The following NTM variants were observed in gnomAD, a reference collection of about 807,000 sequenced individuals.
NTM encodes IgLON family member 2.
A neutral mutation model predicts 42.1 loss-of-function variants in NTM; 13 were observed. The observed-to-expected ratio is 0.31, with a 90% CI of 0.20 to 0.49. The LOEUF (loss-of-function observed/expected upper bound fraction) is 0.49. Among genes scored for constraint, NTM ranks in the 20% least tolerant of loss-of-function variants. The pLI is 0.99. For missense variants in NTM, 373 were observed against 452.8 expected (o/e 0.82, Z 1.60); for synonymous variants, 187 against 179.2 (o/e 1.04, Z -0.35).
rs1048095960 is a variant in NTM at position 131,835,661 on chromosome 11, T to G, written c.83-75903T>G. On this transcript the variant is annotated intron_variant, in intron 1 of 8. Coordinates refer to ENST00000683400, the MANE Select transcript of NTM (RefSeq NM_001352005.2). ...GCTGAAACCTAATTGGTACAAACAC[T>G]CTGGAAAATTATTTAGAGCTATTAA... Among the ~76,000 whole-genome samples, 4 of 152,176 alleles carry G rather than the reference T, an allele frequency of 2.6e-5. No homozygotes were observed. The East Asian group carries it at 7.7e-4, about 29-fold the overall frequency.
At chr11:131,874,804 G>A (rs1327120687) in intron 1 of NTM, among the ~76,000 whole-genome samples, 1 of 152,196 alleles carries the variant, frequency 6.6e-6, no homozygotes, top group Non-Finnish European at 1.5e-5. Flanking sequence ...TCCAGCCCAG[G>A]AAAAGGATCA....
At chr11:131,713,103 G>T (rs1372663834) in intron 1 of NTM, among the ~76,000 whole-genome samples, 1 of 152,002 alleles carries the variant, frequency 6.6e-6, no homozygotes, top group East Asian at 1.9e-4. Flanking sequence ...AACAACATAA[G>T]GCTAGGAATT....
chr11:131,426,682 G>A (rs1490840802), intron 1 of NTM, among the ~76,000 whole-genome samples: 2 of 152,148 alleles, frequency 1.3e-5, no homozygotes, highest in South Asian at 2.1e-4. Context: ...CTTGTCGGAA[G>A]GCCCACCTGT....
chr11:131,598,748 T>TTTC (rs1177311505), intron 1 of NTM, among the ~76,000 whole-genome samples: 47 of 71,250 alleles, frequency 6.6e-4, no homozygotes, highest in African/African-American at 2.5e-3. Context: ...TCTTTCTTTC[T>TTTC]TTCTTTCTTC....
intron 1 of NTM, among the ~76,000 whole-genome samples, chr11:131,631,323 A>G (rs1031194343): frequency 2.6e-5 from 4 of 152,216 alleles, no homozygotes; most frequent in African/African-American, 9.6e-5. Flanking sequence ...CAAATAACAG[A>G]AAGCACCTGA....
intron 4 of NTM, among the ~76,000 whole-genome samples, chr11:132,213,360 C>T (rs527959509): frequency 6.0e-4 from 91 of 152,204 alleles, no homozygotes; most frequent in African/African-American, 2.1e-3. Context: ...TCAGAAGGTT[C>T]CCTTATTGAG....
chr11:132,181,003 CT>C (rs1283644543), intron 3 of NTM, among the ~76,000 whole-genome samples: 11 of 152,192 alleles, frequency 7.2e-5, no homozygotes, highest in African/African-American at 2.7e-4. Context: ...ACTTAAGGAT[CT>C]CAGAATAAGT....
chr11:131,674,575 G>A (rs536080259), intron 1 of NTM, among the ~76,000 whole-genome samples: 5 of 152,328 alleles, frequency 3.3e-5, no homozygotes, highest in African/African-American at 1.2e-4. Flanking sequence ...GTGTGGGATT[G>A]CTTCATTTCA....
At position 132,212,082 on chromosome 11, in the gene NTM, G is replaced by A; in HGVS notation, c.461G>A (p.Ser154Asn). The change falls in exon 4 of 9, where the codon AGC becomes AAC. Residue 154 changes from serine (S) to asparagine (N), a missense_variant. Coordinates refer to ENST00000683400, the MANE Select transcript of NTM (RefSeq NM_001352005.2). ...DISINEGNNISLTCIATGRPE... is the reference protein window; with the variant it reads ...DISINEGNNINLTCIATGRPE... ...TCCATTAATGAAGGGAACAATATTA[G>A]CCTCACCTGCATAGCAACTGGTAGA... The A allele has an allele frequency of 6.2e-7, 1 of 1,613,792 alleles. No individual in the cohort carries two copies.
chr11:131,483,439 C>T (rs1483619239), intron 1 of NTM, among the ~76,000 whole-genome samples: 1 of 152,218 alleles, frequency 6.6e-6, no homozygotes, highest in Non-Finnish European at 1.5e-5. Flanking sequence ...GAGCGACTTA[C>T]TCCTTTGTGG....
intron 1 of NTM, among the ~76,000 whole-genome samples, chr11:131,484,501 G>A (rs1195680222): frequency 6.6e-6 from 1 of 152,190 alleles, no homozygotes; most frequent in Non-Finnish European, 1.5e-5. Flanking sequence ...AGCACACAGG[G>A]TTCTTTGCTG....
intron 1 of NTM, chr11:131,771,373 T>C (rs1156804509): frequency 6.6e-6 from 1 of 152,176 alleles, no homozygotes; most frequent in African/African-American, 2.4e-5. Flanking sequence ...AGGGTTTTAG[T>C]CATAATTGTC....
At chr11:131,970,900 A>T (rs1359109242) in intron 2 of NTM, among the ~76,000 whole-genome samples, 2 of 152,180 alleles carry the variant, frequency 1.3e-5, no homozygotes, top group African/African-American at 2.4e-5. Context: ...AGCGTTTCAT[A>T]AATTTCATTA....
At chr11:132,331,619 T>C (rs978737537) in intron 8 of NTM, among the ~76,000 whole-genome samples, 1 of 152,158 alleles carries the variant, frequency 6.6e-6, no homozygotes, top group Admixed American at 6.5e-5. Context: ...GCCAATGAGA[T>C]ACAGACTCTG....
chr11:132,069,196 G>A lies in NTM; in HGVS notation c.168-77086G>A, dbSNP rs563723576. On this transcript the variant is annotated intron_variant, in intron 2 of 8. Coordinates refer to ENST00000683400, the MANE Select transcript of NTM (RefSeq NM_001352005.2). ...ACACGTCACACAGCCAAGTTAACAC[G>A]TCAAACTGACCATCACAGGTTAGTT... Among the ~76,000 whole-genome samples, 51 of 150,708 alleles carry A rather than the reference G, an allele frequency of 3.4e-4. No homozygotes were observed. The South Asian group carries it at 3.6e-3, about 11-fold the overall frequency.
intron 1 of NTM, among the ~76,000 whole-genome samples, chr11:131,371,564 T>A (rs959249578): frequency 5.3e-5 from 8 of 151,630 alleles, no homozygotes; most frequent in African/African-American, 1.9e-4. Context: ...GCAATAAGAG[T>A]CGAATGCTAA....
intron 1 of NTM, among the ~76,000 whole-genome samples, chr11:131,593,780 TTGTC>T (rs2059587351): frequency 6.6e-6 from 1 of 152,236 alleles, no homozygotes; most frequent in African/African-American, 2.4e-5. Flanking sequence ...AGGATCATGT[TTGTC>T]TGTGTCTCTG....
chr11:131,717,585 C>A (rs1251899383), intron 1 of NTM, among the ~76,000 whole-genome samples: 3 of 152,170 alleles, frequency 2.0e-5, no homozygotes, highest in African/African-American at 4.8e-5. Context: ...TGTCTTGTAA[C>A]AATGCTACTC....
At chr11:132,314,386 T>C (rs1565456872) in intron 6 of NTM, 166 bp from the exon 7 acceptor site, 3 of 307,274 alleles carry the variant, frequency 9.8e-6, no homozygotes, top group Non-Finnish European at 9.6e-6. Context: ...ACTCACTGTC[T>C]GTGAACTACT....
Sources: gnomAD v4.1 joint callset for allele counts (sites outside exome capture counted in the v4.1 genomes callset) on GRCh38, gnomAD v4.1.1 for gene constraint, MANE v1.5 for transcripts, NCBI Gene and HGNC (gene_info 2026-07-23, HGNC 2026-07-21) for gene names.